The following TUSC3 variants were observed in gnomAD, a reference collection of about 807,000 sequenced individuals.
The protein encoded by TUSC3 is dolichyl-diphosphooligosaccharide--protein glycosyltransferase subunit TUSC3.
A neutral mutation model predicts 44.8 loss-of-function variants in TUSC3; 45 were observed. That is an observed-to-expected ratio of 1.00 (90% confidence interval 0.79 to 1.29). TUSC3 has a LOEUF of 1.29. Among genes scored for constraint, TUSC3 ranks in the 50% most tolerant of loss-of-function variants. The pLI, the probability that TUSC3 is intolerant of heterozygous loss-of-function variation, is 0.00. For synonymous variants in TUSC3, 212 were observed against 152.9 expected (o/e 1.39, Z -2.85); for missense variants, 519 against 437.9 (o/e 1.19, Z -1.65).
intron 1 of TUSC3, among the ~76,000 whole-genome samples, chr8:15,581,946 C>G (rs1196490251): frequency 6.7e-6 from 1 of 150,100 alleles, no homozygotes; most frequent in African/African-American, 2.5e-5. Flanking sequence ...GACTGCTGTG[C>G]TAGCAGTCAG....
At chr8:15,773,988 C>T in the TUSC3 span, among the ~76,000 whole-genome samples, 1 of 152,070 alleles carries the variant, frequency 6.6e-6, no homozygotes, top group Non-Finnish European at 1.5e-5. Flanking sequence ...TAGGGTTTGG[C>T]AACAGTTTCT....
intron 6 of TUSC3, among the ~76,000 whole-genome samples, chr8:15,682,756 A>G (rs1443790620): frequency 6.8e-6 from 1 of 147,824 alleles, no homozygotes; most frequent in Non-Finnish European, 1.5e-5. Context: ...CCATGTGCTT[A>G]TGTGTGTTTC....
chr8:15,784,926 A>C, the TUSC3 span, among the ~76,000 whole-genome samples: 2 of 152,156 alleles, frequency 1.3e-5, no homozygotes, highest in African/African-American at 4.8e-5. Context: ...CAAAGAAATA[A>C]GTATGTGAGA....
the TUSC3 span, among the ~76,000 whole-genome samples, chr8:15,826,206 G>T: frequency 6.6e-6 from 1 of 152,090 alleles, no homozygotes; most frequent in African/African-American, 2.4e-5. Flanking sequence ...AATTCTAGGA[G>T]ATGGCATATT....
intron 1 of TUSC3, among the ~76,000 whole-genome samples, chr8:15,457,013 CTA>C (rs1368643874): frequency 1.3e-5 from 2 of 152,188 alleles, no homozygotes; most frequent in East Asian, 3.9e-4. Flanking sequence ...CAAATGAACT[CTA>C]TAAATTATCA....
At position 15,518,025 on chromosome 8, in the gene TUSC3, C is replaced by T. The variant is rs540004931; in HGVS notation, n.189+34542C>T. Among the ~76,000 whole-genome samples, 83 of 152,104 alleles carry T rather than the reference C, an allele frequency of 5.5e-4. No homozygotes were observed. In the Middle Eastern group the frequency reaches 0.01, roughly 19 times the overall value. On this transcript the variant is annotated intron_variant and non_coding_transcript_variant, in intron 2 of 5. Coordinates refer to the TUSC3 transcript ENST00000503191. ...ACACATTCGCACCTGTTCCTACCTC[C>T]TCCTTACCCCTTTTGCCAGCCTCCG...
At chr8:15,531,570 G>T (rs1331503599) in intron 2 of TUSC3, among the ~76,000 whole-genome samples, 1 of 152,074 alleles carries the variant, frequency 6.6e-6, no homozygotes, top group East Asian at 1.9e-4. Flanking sequence ...TTTAATAAAC[G>T]TTCACTCCTG....
rs1354540010 is a variant in TUSC3, at chr8:15,764,425, T to C, written c.*269T>C. 7 of 522,778 alleles carry C rather than the reference T, an allele frequency of 1.3e-5. No individual in the cohort carries two copies. The Admixed American group carries it at 2.3e-4, about 17-fold the overall frequency. 32.4% of individuals were successfully genotyped at this position (522,778 alleles called of 1,614,324 possible). A position where few individuals can be genotyped will look rare whatever the true frequency, so the allele number is the denominator to read the frequency against. On this transcript the variant is annotated 3_prime_UTR_variant, in exon 11 of 11. Coordinates refer to ENST00000503731, the MANE Select transcript of TUSC3 (RefSeq NM_006765.4). ...CTACAAAGGAAATATCAAAGTGTTT[T>C]TCAAGCCTGTTATATTCAGTGTGTG... is the stretch of plus-strand genomic sequence containing the variant.
At chr8:15,664,162 G>T (rs906359249) in intron 5 of TUSC3, among the ~76,000 whole-genome samples, 1 of 151,792 alleles carries the variant, frequency 6.6e-6, no homozygotes, top group Non-Finnish European at 1.5e-5. Flanking sequence ...AGGAAACAAA[G>T]ATTCAGTAAT....
intron 1 of TUSC3, among the ~76,000 whole-genome samples, chr8:15,599,570 A>T (rs1222267837): frequency 6.6e-6 from 1 of 151,600 alleles, no homozygotes; most frequent in East Asian, 1.9e-4. Flanking sequence ...TGCATTTCAC[A>T]TTAGGTCTGA....
chr8:15,662,093 A>G (rs754728032), intron 4 of TUSC3, 63 bp from the exon 5 acceptor site: 67 of 1,586,934 alleles, frequency 4.2e-5, no homozygotes, highest in Non-Finnish European at 5.0e-5. Context: ...GAGGACTAGA[A>G]TATGATCAAA....
intron 4 of TUSC3, 85 bp downstream of exon 4, chr8:15,659,732 T>C: frequency 5.8e-6 from 9 of 1,552,848 alleles, no homozygotes; most frequent in South Asian, 1.1e-5. Flanking sequence ...AGTAATACTT[T>C]TTAATTTCTC....
intron 6 of TUSC3, among the ~76,000 whole-genome samples, chr8:15,709,624 GGAT>G (rs763021046): frequency 1.3e-5 from 2 of 151,674 alleles, no homozygotes; most frequent in African/African-American, 2.4e-5. Context: ...ATGAGGAGGA[GGAT>G]GATGATGATG....
intron 8 of TUSC3, among the ~76,000 whole-genome samples, chr8:15,744,117 G>C (rs1458939161): frequency 6.6e-6 from 1 of 152,102 alleles, no homozygotes; most frequent in African/African-American, 2.4e-5. Context: ...GGCATCTATT[G>C]ATACTATCTT....
At chr8:15,435,494 G>T (rs1437501539) in intron 1 of TUSC3, among the ~76,000 whole-genome samples, 2 of 152,092 alleles carry the variant, frequency 1.3e-5, no homozygotes, top group Non-Finnish European at 2.9e-5. Flanking sequence ...GATGATGCAT[G>T]CATATTTCAA....
At chr8:15,554,635 C>T (rs1311454660) in intron 1 of TUSC3, among the ~76,000 whole-genome samples, 1 of 131,852 alleles carries the variant, frequency 7.6e-6, no homozygotes, top group East Asian at 2.4e-4. Context: ...TGGAGTCTCA[C>T]TCTGTCGCCC....
At chr8:15,622,132 G>T (rs1200559778) in intron 1 of TUSC3, among the ~76,000 whole-genome samples, 1 of 151,982 alleles carries the variant, frequency 6.6e-6, no homozygotes, top group African/African-American at 2.4e-5. Flanking sequence ...TTGGTTAAAT[G>T]GCACATTTCA....
At chr8:15,723,098 T>C (rs373501851) in intron 6 of TUSC3, among the ~76,000 whole-genome samples, 1 of 152,284 alleles carries the variant, frequency 6.6e-6, no homozygotes, top group South Asian at 2.1e-4. Context: ...CACACTATTT[T>C]GAAATTCTTT....
At chr8:15,418,669 A>G (rs1036083597) in intron 1 of TUSC3, among the ~76,000 whole-genome samples, 3 of 152,216 alleles carry the variant, frequency 2.0e-5, no homozygotes, top group Admixed American at 6.5e-5. Context: ...TAAGACGAAG[A>G]GCTCAATGCT....
Sources: gnomAD v4.1 joint callset for allele counts (sites outside exome capture counted in the v4.1 genomes callset) on GRCh38, gnomAD v4.1.1 for gene constraint, MANE v1.5 for transcripts, NCBI Gene and HGNC (gene_info 2026-07-23, HGNC 2026-07-21) for gene names.